The following KIAA1217 variants were observed in gnomAD, a reference collection of about 807,000 sequenced individuals.
The protein encoded by KIAA1217 is sickle tail protein homolog.
KIAA1217 carries 88 observed loss-of-function variants against 163.9 expected under a neutral mutation model. That is an observed-to-expected ratio of 0.54 (90% CI 0.45 to 0.64). The LOEUF (loss-of-function observed/expected upper bound fraction) is 0.64. Ranked by LOEUF, KIAA1217 falls within the 30% of genes least tolerant of loss-of-function variation. The pLI is 0.00. For missense variants in KIAA1217, 2,372 were observed against 2,475.0 expected (o/e 0.96, Z 0.88); for synonymous variants, 903 against 923.1 (o/e 0.98, Z 0.39).
chr10:24,161,711 C>T (rs1203247887), intron 2 of KIAA1217, among the ~76,000 whole-genome samples: 1 of 152,232 alleles, frequency 6.6e-6, no homozygotes, highest in Admixed American at 6.5e-5. Flanking sequence ...CCTTACCACA[C>T]CAGCCTCTCA....
intron 2 of KIAA1217, among the ~76,000 whole-genome samples, chr10:24,131,782 T>A (rs1294630064): frequency 6.6e-6 from 1 of 152,204 alleles, no homozygotes; most frequent in East Asian, 1.9e-4. Flanking sequence ...GAATAGATTG[T>A]GTACCTGGAA....
At chr10:24,051,316 T>C (rs1333424721) in intron 2 of KIAA1217, among the ~76,000 whole-genome samples, 2 of 152,198 alleles carry the variant, frequency 1.3e-5, no homozygotes, top group African/African-American at 4.8e-5. Flanking sequence ...TTGATGGGCA[T>C]TTAGGCTGGT....
At chr10:23,976,417 G>A (rs1845543380) in intron 1 of KIAA1217, among the ~76,000 whole-genome samples, 1 of 152,078 alleles carries the variant, frequency 6.6e-6, no homozygotes, top group South Asian at 2.1e-4. Flanking sequence ...AGCAACTTAA[G>A]CATATTAAAA....
At chr10:24,296,253 A>G (rs1161701821) in intron 2 of KIAA1217, among the ~76,000 whole-genome samples, 1 of 152,158 alleles carries the variant, frequency 6.6e-6, no homozygotes, top group Non-Finnish European at 1.5e-5. Context: ...ACAGGTGCAC[A>G]TCATCAAACC....
At chr10:24,302,122 T>A (rs1479736702) in intron 2 of KIAA1217, among the ~76,000 whole-genome samples, 1 of 152,200 alleles carries the variant, frequency 6.6e-6, no homozygotes, top group East Asian at 1.9e-4. Context: ...GATGGTCCAG[T>A]GGTGGCAGGT....
At chr10:23,796,392 C>G (rs892155280) in intron 1 of KIAA1217, among the ~76,000 whole-genome samples, 14 of 151,116 alleles carry the variant, frequency 9.3e-5, no homozygotes, top group African/African-American at 3.4e-4. Flanking sequence ...GAGACGAAGT[C>G]TCACTCTGTC....
chr10:24,545,101 C>T lies in KIAA1217; in HGVS notation c.5332C>T (p.Gln1778Ter). 1 of 1,614,146 alleles carries T rather than the reference C, an allele frequency of 6.2e-7. No individual in the cohort carries two copies. The highest frequency in any genetic ancestry group is 8.5e-7 in the Non-Finnish European group (1 of 1,180,002). ...ACTGCAGGATCCCCGCCAATATCGT[C>T]AGGTAGTTTTACCTTAAACCCACTT... Reference protein sequence around the residue: ...SKLQDPRQYRQANGSAKKSGG... With the variant: ...SKLQDPRQYR The change falls in exon 20 of 21, where the codon CAG becomes TAG. Residue 1778 changes from glutamine to a stop codon, truncating the protein, a stop_gained and splice_region_variant. Coordinates refer to ENST00000376454, the MANE Select transcript of KIAA1217 (RefSeq NM_019590.5). LOFTEE classifies it high-confidence loss of function.
chr10:24,172,877 A>G (rs1262810241), intron 2 of KIAA1217, among the ~76,000 whole-genome samples: 1 of 152,190 alleles, frequency 6.6e-6, no homozygotes, highest in Non-Finnish European at 1.5e-5. Flanking sequence ...GCTCATTCCT[A>G]AGTGAACTGT....
intron 1 of KIAA1217, among the ~76,000 whole-genome samples, chr10:24,209,564 A>T (rs1004737524): frequency 2.0e-5 from 3 of 152,190 alleles, no homozygotes; most frequent in African/African-American, 7.2e-5. Flanking sequence ...TAAATCACTA[A>T]GCAGCTTTTA....
chr10:24,215,957 C>T (rs562117005), intron 1 of KIAA1217, among the ~76,000 whole-genome samples: 2 of 152,300 alleles, frequency 1.3e-5, no homozygotes, highest in African/African-American at 4.8e-5. Flanking sequence ...CTGCATTGAG[C>T]CTTCTAGCCT....
chr10:24,165,228 G>C (rs1015985706), intron 2 of KIAA1217, among the ~76,000 whole-genome samples: 1 of 152,124 alleles, frequency 6.6e-6, no homozygotes, highest in African/African-American at 2.4e-5. Flanking sequence ...AGCCCACAAG[G>C]CTCCCAAGTT....
At chr10:24,115,937 T>C (rs1464887486) in intron 2 of KIAA1217, among the ~76,000 whole-genome samples, 2 of 152,212 alleles carry the variant, frequency 1.3e-5, no homozygotes, top group African/African-American at 4.8e-5. Flanking sequence ...ACCAGCTTGC[T>C]TCAGCCCATG....
intron 3 of KIAA1217, among the ~76,000 whole-genome samples, chr10:24,408,794 C>T (rs1247603228): frequency 6.6e-6 from 1 of 152,136 alleles, no homozygotes; most frequent in Non-Finnish European, 1.5e-5. Context: ...TCTGAAATAT[C>T]CTTTCCTTCC....
intron 1 of KIAA1217, among the ~76,000 whole-genome samples, chr10:23,876,287 CAT>C (rs1440297711): frequency 2.0e-5 from 3 of 151,480 alleles, no homozygotes; most frequent in African/African-American, 7.3e-5. Context: ...ACTGGGTACT[CAT>C]AGACATAAAG....
At chr10:23,764,111 GA>G (rs999378952) in intron 1 of KIAA1217, among the ~76,000 whole-genome samples, 6 of 151,054 alleles carry the variant, frequency 4.0e-5, no homozygotes, top group East Asian at 1.9e-4. Context: ...ATATTTACAA[GA>G]AAAAAAACAA....
chr10:24,071,755 T>C (rs1481111312), intron 2 of KIAA1217, among the ~76,000 whole-genome samples: 1 of 152,124 alleles, frequency 6.6e-6, no homozygotes, highest in Non-Finnish European at 1.5e-5. Flanking sequence ...ACTGCAGCAA[T>C]GACCCTGAAG....
chr10:23,894,586 A>G (rs1334301391), intron 1 of KIAA1217, among the ~76,000 whole-genome samples: 1 of 150,428 alleles, frequency 6.6e-6, no homozygotes, highest in Admixed American at 6.7e-5. Context: ...GATAGATTCA[A>G]TGCCATCCCC....
intron 1 of KIAA1217, among the ~76,000 whole-genome samples, chr10:23,813,237 A>G (rs1837156998): frequency 6.6e-6 from 1 of 152,054 alleles, no homozygotes; most frequent in African/African-American, 2.4e-5. Context: ...TCTTCTTTGG[A>G]CAACTATCAG....
At chr10:23,975,604 G>A (rs970400993) in intron 1 of KIAA1217, among the ~76,000 whole-genome samples, 2 of 152,056 alleles carry the variant, frequency 1.3e-5, no homozygotes, top group African/African-American at 4.8e-5. Context: ...CACTTACCAG[G>A]GTAGAAGGGA....
Sources: gnomAD v4.1 joint callset for allele counts (sites outside exome capture counted in the v4.1 genomes callset) on GRCh38, gnomAD v4.1.1 for gene constraint, MANE v1.5 for transcripts, NCBI Gene and HGNC (gene_info 2026-07-23, HGNC 2026-07-21) for gene names.